The following FAT3 variants were observed in gnomAD, a reference collection of about 807,000 sequenced individuals.
FAT3 encodes protocadherin Fat 3.
A neutral mutation model predicts 310.2 loss-of-function variants in FAT3; 95 were observed. The ratio of observed to expected loss-of-function variants is 0.31; its 90% CI spans 0.26 to 0.36. The LOEUF (loss-of-function observed/expected upper bound fraction) is 0.36, where lower values mean the gene tolerates loss of function less well. FAT3 is among the 10% of genes least tolerant of loss of function. The pLI is 1.00. For missense variants in FAT3, 5,408 were observed against 5,715.6 expected (o/e 0.95, Z 1.74); for synonymous variants, 2,314 against 2,192.9 (o/e 1.06, Z -1.54).
intron 1 of FAT3, among the ~76,000 whole-genome samples, chr11:92,233,814 CTTTT>C (rs1864293991): frequency 6.6e-6 from 1 of 152,152 alleles, no homozygotes; most frequent in African/African-American, 2.4e-5. Context: ...AGATAATCTT[CTTTT>C]ATTTGGAAGT....
intron 1 of FAT3, among the ~76,000 whole-genome samples, chr11:92,332,643 T>C (rs7107046): frequency 0.36 from 54,478 of 151,874 alleles, 14,138 homozygotes; most frequent in African/African-American, 0.74. Context: ...CTCCCTTGGG[T>C]ACCCTTAAAA....
At chr11:92,863,541 A>G (rs917757676) in intron 21 of FAT3, among the ~76,000 whole-genome samples, 5 of 152,322 alleles carry the variant, frequency 3.3e-5, no homozygotes, top group African/African-American at 1.2e-4. Flanking sequence ...CATTAGGGCA[A>G]CACTCTCTCA....
chr11:92,314,291 A>C lies in FAT3; in HGVS notation c.-17-37805A>C. 2 of 983,320 alleles carry C rather than the reference A, an allele frequency of 2.0e-6. 1 individual carries two copies. The highest frequency in any genetic ancestry group is 9.4e-5 in the South Asian group (2 of 21,238). The allele number at this position is 983,320 out of a possible 1,614,324, so 60.9% of individuals were successfully genotyped here. On this transcript the variant is annotated intron_variant, in intron 1 of 27. Transcript: ENST00000525166. ...AACAGATTCTAAGGTTCAGATGAGAACATGGAGATGTATTTCTTCAGGTAT... is the reference window on the plus strand; with the variant it reads ...AACAGATTCTAAGGTTCAGATGAGACCATGGAGATGTATTTCTTCAGGTAT...
At chr11:92,577,013 G>T (rs1938517550) in intron 3 of FAT3, among the ~76,000 whole-genome samples, 1 of 106,022 alleles carries the variant, frequency 9.4e-6, no homozygotes, top group Non-Finnish European at 2.3e-5. Flanking sequence ...CCACAAAATA[G>T]AATTCAAATC....
chr11:92,747,917 A>G (rs1292725357), intron 4 of FAT3, among the ~76,000 whole-genome samples: 1 of 152,202 alleles, frequency 6.6e-6, no homozygotes, highest in Non-Finnish European at 1.5e-5. Context: ...AGTCTTTAGG[A>G]AGTTCCAAAC....
At chr11:92,499,594 A>T (rs1467800988) in intron 2 of FAT3, among the ~76,000 whole-genome samples, 1 of 151,926 alleles carries the variant, frequency 6.6e-6, no homozygotes, top group Non-Finnish European at 1.5e-5. Context: ...TAGCAAAAAA[A>T]TTTGCAGAGA....
chr11:92,228,283 A>G (rs942969654), intron 1 of FAT3, among the ~76,000 whole-genome samples: 2 of 151,968 alleles, frequency 1.3e-5, no homozygotes, highest in African/African-American at 4.8e-5. Flanking sequence ...TTCAAATTTT[A>G]TTTATTCTGG....
At chr11:92,822,998 G>C (rs796717954) in intron 13 of FAT3, among the ~76,000 whole-genome samples, 27 of 152,136 alleles carry the variant, frequency 1.8e-4, no homozygotes, top group African/African-American at 6.5e-4. Context: ...CAATCCATTT[G>C]TTTTCTTCTC....
chr11:92,433,326 G>A (rs536210360), intron 2 of FAT3, among the ~76,000 whole-genome samples: 138 of 152,186 alleles, frequency 9.1e-4, no homozygotes, highest in African/African-American at 3.1e-3. Context: ...CCAAATGGCC[G>A]CCCAGCTTTG....
At position 92,291,028 on chromosome 11, in the gene FAT3, C is replaced by CA. The variant is rs1459061807; in HGVS notation, c.-17-61063dup. Among the ~76,000 whole-genome samples the CA allele has an allele frequency of 2.7e-5, 4 of 147,292 alleles. No individual in the cohort carries two copies. In the East Asian group the frequency reaches 6.4e-4, roughly 23 times the overall value. ...TGTCCTCTTAAGGTGTCAACCATAG[C>CA]AAAAATATCTAACACTCATTAAGCT... On this transcript the variant is annotated intron_variant, in intron 1 of 27. Transcript: ENST00000525166.
chr11:92,478,720 G>A (rs1048610247), intron 2 of FAT3, among the ~76,000 whole-genome samples: 2 of 151,808 alleles, frequency 1.3e-5, no homozygotes, highest in African/African-American at 2.4e-5. Flanking sequence ...GGGTTCAAGT[G>A]ATTCTCCTGC....
At chr11:92,567,920 T>C (rs183730194) in intron 3 of FAT3, among the ~76,000 whole-genome samples, 174 of 150,924 alleles carry the variant, frequency 1.2e-3, no homozygotes, top group African/African-American at 4.0e-3. Flanking sequence ...AGGGATAGCA[T>C]TGGGAGATAC....
chr11:92,837,753 G>A lies in FAT3; in HGVS notation c.10315G>A (p.Val3439Met). 2 of 1,614,000 alleles carry A rather than the reference G, an allele frequency of 1.2e-6. No individual in the cohort carries two copies. The highest frequency in any genetic ancestry group is 2.2e-5 in the East Asian group (1 of 44,870). ...TATVNIDISD[V>M]NDNSPVFTPA... ...AACTGTCAACATTGATATTTCTGAT[G>A]TGAATGACAACAGCCCGGTGTTTAC... The change falls in exon 17 of 28, where the codon GTG becomes ATG. Residue 3439 changes from valine to methionine, a missense_variant. This residue lies in a region of FAT3 where 4,588 missense variants were observed against 4,809.8 expected (regional missense o/e 0.95). Coordinates refer to ENST00000525166, the MANE Select transcript of FAT3 (RefSeq NM_001367949.2).
intron 3 of FAT3, among the ~76,000 whole-genome samples, chr11:92,672,635 T>A (rs1776357688): frequency 6.6e-6 from 1 of 152,128 alleles, no homozygotes; most frequent in Non-Finnish European, 1.5e-5. Flanking sequence ...GATACACAGA[T>A]ACACAGATTA....
intron 3 of FAT3, among the ~76,000 whole-genome samples, chr11:92,620,682 A>T (rs1428853396): frequency 6.6e-6 from 1 of 152,146 alleles, no homozygotes; most frequent in African/African-American, 2.4e-5. Context: ...GATGATTAAG[A>T]CTACTGGGCT....
intron 2 of FAT3, among the ~76,000 whole-genome samples, chr11:92,517,045 G>A (rs1236448599): frequency 6.6e-6 from 1 of 152,088 alleles, no homozygotes; most frequent in African/African-American, 2.4e-5. Flanking sequence ...TCGTGAAAAC[G>A]GCCATACTGC....
chr11:92,533,079 G>T (rs555888749), intron 3 of FAT3, among the ~76,000 whole-genome samples: 19 of 152,224 alleles, frequency 1.2e-4, no homozygotes, highest in Admixed American at 2.6e-4. Context: ...TGTTGCCCAG[G>T]CTGGAGTGCA....
intron 2 of FAT3, 26 bp from the exon 3 acceptor site, chr11:92,524,608 A>G: frequency 3.1e-6 from 5 of 1,600,962 alleles, no homozygotes; most frequent in Non-Finnish European, 4.3e-6. Flanking sequence ...TCTCTGTGAC[A>G]GTAACACTTC....
chr11:92,714,936 G>T (rs749180208), intron 4 of FAT3, among the ~76,000 whole-genome samples: 1 of 151,798 alleles, frequency 6.6e-6, no homozygotes, highest in African/African-American at 2.4e-5. Flanking sequence ...TCATTAAAAA[G>T]AAAAGACTGT....
Sources: allele counts gnomAD v4.1 joint callset (sites outside exome capture counted in the v4.1 genomes callset), GRCh38; gene constraint gnomAD v4.1.1; regional missense constraint gnomAD v4.1.1; transcripts MANE v1.5; gene names NCBI Gene and HGNC (gene_info 2026-07-23, HGNC 2026-07-21).